Variants in LGR5 observed in about 807,000 individuals in gnomAD.
The protein encoded by LGR5 is leucine-rich repeat-containing G protein-coupled receptor 5.
Under a neutral mutation model 76.7 loss-of-function variants are expected in LGR5, and 54 were observed. The ratio of observed to expected loss-of-function variants is 0.70; its 90% CI spans 0.57 to 0.88. The LOEUF is 0.88. LGR5 is among the 40% of genes least tolerant of loss of function. The pLI, the probability that LGR5 is intolerant of heterozygous loss-of-function variation, is 0.00. For synonymous variants in LGR5, 406 were observed against 421.9 expected (o/e 0.96, Z 0.46); for missense variants, 1,078 against 1,073.3 (o/e 1.00, Z -0.06).
intron 2 of LGR5, among the ~76,000 whole-genome samples, chr12:71,523,949 T>G (rs184894888): frequency 7.2e-5 from 11 of 152,346 alleles, no homozygotes; most frequent in Admixed American, 6.5e-4. Context: ...TACATTCTTA[T>G]TTGACAAATT....
Position 71,572,939 on chromosome 12 carries a change from G to A in LGR5, c.1208+18G>A, listed in dbSNP as rs752818845. On this transcript the variant is annotated intron_variant, in intron 13 of 17. Transcript: ENST00000266674. ...CGATCGCTGTGAGTATCACCTCCCA[G>A]TGCGTTCCCCAGCACAGAGCATTTT... The A allele has an allele frequency of 6.3e-6, 10 of 1,594,890 alleles. No homozygotes were observed. The highest frequency in any genetic ancestry group is 8.6e-6 in the Non-Finnish European group (10 of 1,162,546).
intron 3 of LGR5, among the ~76,000 whole-genome samples, chr12:71,531,601 C>T (rs992443543): frequency 1.2e-4 from 19 of 152,122 alleles, no homozygotes; most frequent in Non-Finnish European, 2.2e-4. Flanking sequence ...GGTGCGGTGG[C>T]TCATGCCTGT....
intron 2 of LGR5, among the ~76,000 whole-genome samples, chr12:71,510,945 G>A (rs1008605635): frequency 1.3e-5 from 2 of 152,092 alleles, no homozygotes; most frequent in Non-Finnish European, 2.9e-5. Context: ...GTAAGAGAGA[G>A]GGAAGTGAGG....
chr12:71,547,330 T>C (rs1877233244), intron 4 of LGR5, among the ~76,000 whole-genome samples: 4 of 152,106 alleles, frequency 2.6e-5, no homozygotes, highest in Admixed American at 2.6e-4. Flanking sequence ...CTGCTGAACA[T>C]AGATTAAAGA....
At chr12:71,546,778 G>T (rs953206499) in intron 4 of LGR5, among the ~76,000 whole-genome samples, 2 of 152,158 alleles carry the variant, frequency 1.3e-5, no homozygotes, top group African/African-American at 4.8e-5. Flanking sequence ...CCCCATTTCA[G>T]AGAAACACTT....
At chr12:71,555,239 A>G (rs991983018) in intron 5 of LGR5, among the ~76,000 whole-genome samples, 14 of 152,198 alleles carry the variant, frequency 9.2e-5, no homozygotes, top group African/African-American at 3.4e-4. Flanking sequence ...AATTTCACAT[A>G]TAAAGATGAT....
Position 71,440,206 on chromosome 12 carries a change from C to A in LGR5, c.126C>A (p.Pro42=). Residue 42 remains proline (P), a synonymous_variant, in exon 1 of 18, where the codon CCC becomes CCA. Coordinates refer to ENST00000266674, the MANE Select transcript of LGR5 (RefSeq NM_003667.4). The surrounding 1 kb of genome is among the most constrained non-coding windows in gnomAD (Gnocchi z 5.3). ...GCCCCACACACTGTCATTGCGAGCC[C>A]GACGGCAGGATGTTGCTCAGGGTGG... ...RGCPTHCHCE[P]DGRMLLRVDC... The A allele has an allele frequency of 6.2e-7, 1 of 1,612,832 alleles. No individual in the cohort carries two copies. The highest frequency in any genetic ancestry group is 8.5e-7 in the Non-Finnish European group (1 of 1,179,742).
chr12:71,466,337 T>G (rs1872861897), intron 1 of LGR5, among the ~76,000 whole-genome samples: 1 of 152,230 alleles, frequency 6.6e-6, no homozygotes, highest in Admixed American at 6.5e-5. Context: ...AGCAAAGATT[T>G]TATTTTATTA....
chr12:71,495,131 A>G (rs1168881626), intron 1 of LGR5, among the ~76,000 whole-genome samples: 4 of 151,164 alleles, frequency 2.6e-5, no homozygotes, highest in Non-Finnish European at 5.9e-5. Flanking sequence ...AAGAAAATCT[A>G]AAGCACAGCA....
intron 17 of LGR5, chr12:71,583,412 T>C (rs1186905598): frequency 2.0e-6 from 1 of 504,638 alleles, no homozygotes; most frequent in Admixed American, 3.6e-5. Context: ...CCATTCTCAT[T>C]TCTCCATCAA....
intron 16 of LGR5, among the ~76,000 whole-genome samples, chr12:71,580,732 G>T (rs1235275493): frequency 2.0e-5 from 3 of 151,928 alleles, no homozygotes; most frequent in Non-Finnish European, 2.9e-5. Flanking sequence ...CGGGAGGCAG[G>T]TTGATTCCAA....
intron 4 of LGR5, among the ~76,000 whole-genome samples, chr12:71,539,728 T>A (rs1312457193): frequency 6.6e-6 from 1 of 152,198 alleles, no homozygotes; most frequent in Non-Finnish European, 1.5e-5. Flanking sequence ...TCTGCCTGCC[T>A]TGGCCTCCCA....
At chr12:71,466,865 C>T (rs1286540287) in intron 1 of LGR5, among the ~76,000 whole-genome samples, 1 of 152,080 alleles carries the variant, frequency 6.6e-6, no homozygotes, top group Non-Finnish European at 1.5e-5. Flanking sequence ...GTAACACGTC[C>T]TCCTTGGAAA....
At chr12:71,445,628 G>C (rs950714582) in intron 1 of LGR5, among the ~76,000 whole-genome samples, 6 of 152,310 alleles carry the variant, frequency 3.9e-5, no homozygotes, top group South Asian at 2.1e-4. Context: ...GTGGGAAGCA[G>C]GTCCGTTCCT....
At position 71,586,011 on chromosome 12, in the gene LGR5, A is replaced by G. The variant is rs1879302493; in HGVS notation, c.*1277A>G. The G allele has an allele frequency of 6.6e-6, 1 of 152,168 alleles. No homozygotes were observed. Among genetic ancestry groups the G allele is most frequent in the Non-Finnish European group, 1.5e-5 (1 of 68,016 alleles). The allele number at this position is 152,168 out of a possible 1,614,324, so 9.4% of individuals were successfully genotyped here. ...TTTTTATATAAGCATGTTTATTTTG[A>G]TCAGATGTTTTAACTTGGATTTGAA... On this transcript the variant is annotated 3_prime_UTR_variant, in exon 18 of 18. Transcript: ENST00000266674.
intron 8 of LGR5, among the ~76,000 whole-genome samples, chr12:71,563,800 TA>T (rs1878181976): frequency 2.0e-5 from 3 of 152,156 alleles, no homozygotes. Flanking sequence ...TATGTGTGTT[TA>T]TGATACTTCT....
chr12:71,441,228 T>C (rs1871752684), intron 1 of LGR5, among the ~76,000 whole-genome samples: 1 of 152,128 alleles, frequency 6.6e-6, no homozygotes, highest in East Asian at 1.9e-4. Flanking sequence ...TAACAGGTAG[T>C]TGGGTGAACG....
At chr12:71,477,892 A>G (rs1170659963) in intron 1 of LGR5, among the ~76,000 whole-genome samples, 5 of 152,162 alleles carry the variant, frequency 3.3e-5, no homozygotes, top group Admixed American at 6.5e-5. Context: ...ACTCACTCTC[A>G]TGGTGGATAC....
intron 4 of LGR5, among the ~76,000 whole-genome samples, chr12:71,539,302 A>T (rs949592377): frequency 6.6e-6 from 1 of 152,180 alleles, no homozygotes; most frequent in African/African-American, 2.4e-5. Flanking sequence ...ACCCATATAC[A>T]CTTGGCTTCC....
Sources: allele counts gnomAD v4.1 joint callset (sites outside exome capture counted in the v4.1 genomes callset), GRCh38; gene constraint gnomAD v4.1.1; non-coding constraint Gnocchi (gnomAD v3.1); transcripts MANE v1.5; gene names NCBI Gene and HGNC (gene_info 2026-07-23, HGNC 2026-07-21).